CD109: variants seen among roughly 807,000 people sequenced by gnomAD.
The protein encoded by CD109 is CD109 molecule.
CD109 carries 149 observed loss-of-function variants against 165.8 expected under a neutral mutation model. The ratio of observed to expected loss-of-function variants is 0.90; its 90% CI spans 0.79 to 1.03. The LOEUF (loss-of-function observed/expected upper bound fraction) is 1.03, where lower values mean the gene tolerates loss of function less well. CD109 is among the 50% of genes least tolerant of loss of function. The pLI is 0.00. For synonymous variants in CD109, 585 were observed against 592.1 expected, an observed-to-expected ratio of 0.99 and a Z score of 0.18; for missense variants, 1,712 against 1,677.8, an observed-to-expected ratio of 1.02 and a Z score of -0.36.
At chr6:73,722,649 A>G (rs1772001930) in intron 2 of CD109, among the ~76,000 whole-genome samples, 1 of 152,234 alleles carries the variant, frequency 6.6e-6, no homozygotes, top group Non-Finnish European at 1.5e-5. Flanking sequence ...GCCATCTTCG[A>G]TAGGAACTTT....
chr6:73,764,731 G>A (rs1017238577), intron 10 of CD109, among the ~76,000 whole-genome samples: 2 of 151,476 alleles, frequency 1.3e-5, no homozygotes, highest in African/African-American at 2.4e-5. Flanking sequence ...CAGAAGAATC[G>A]CTTGAACCCG....
At chr6:73,768,934 G>A (rs1256625999) in intron 14 of CD109, among the ~76,000 whole-genome samples, 1 of 152,156 alleles carries the variant, frequency 6.6e-6, no homozygotes, top group Non-Finnish European at 1.5e-5. Context: ...GCAGAGTATG[G>A]TTCTTCTATT....
At chr6:73,779,705 G>T (rs1774402458) in intron 15 of CD109, among the ~76,000 whole-genome samples, 1 of 151,960 alleles carries the variant, frequency 6.6e-6, no homozygotes. Flanking sequence ...AGTATCTCTT[G>T]GAGTTACTGT....
chr6:73,750,956 T>C lies in CD109; in HGVS notation c.634-5687T>C, dbSNP rs368467525. ...CCTGTCATGTTCGGTTACTTTCATA[T>C]ACACAGTCTACATTCAGTAATTAAT... On this transcript the variant is annotated intron_variant, in intron 5 of 32. Transcript: ENST00000287097. 4.0e-5 allele frequency among the ~76,000 whole-genome samples: 4 copies of C among 99,482 alleles called. No individual in the cohort carries two copies. The East Asian group carries it at 9.0e-4, about 22-fold the overall frequency. 65.3% of individuals were successfully genotyped at this position (99,482 alleles called of 152,430 possible). A position where few individuals can be genotyped will look rare whatever the true frequency, so the allele number is the denominator to read the frequency against.
intron 10 of CD109, among the ~76,000 whole-genome samples, chr6:73,763,992 C>A (rs1554177030): frequency 6.6e-6 from 1 of 151,970 alleles, no homozygotes; most frequent in Non-Finnish European, 1.5e-5. Context: ...ACATGGTAGT[C>A]AAAAATTTCA....
intron 17 of CD109, 134 bp from the exon 18 acceptor site, chr6:73,782,480 A>T: frequency 1.3e-6 from 1 of 773,658 alleles, no homozygotes; most frequent in Non-Finnish European, 2.0e-6. Flanking sequence ...CTGTAACAGA[A>T]GGAACCTGAT....
At chr6:73,704,695 C>T (rs541716537) in intron 2 of CD109, among the ~76,000 whole-genome samples, 56 of 152,202 alleles carry the variant, frequency 3.7e-4, no homozygotes, top group Non-Finnish European at 6.2e-4. Context: ...GTTGTTTCCC[C>T]ACAGACATTT....
chr6:73,774,833 G>T (rs1774177758), intron 15 of CD109, among the ~76,000 whole-genome samples: 1 of 152,040 alleles, frequency 6.6e-6, no homozygotes, highest in South Asian at 2.1e-4. Context: ...CACTCTTCCT[G>T]GGGTTTTCTC....
chr6:73,697,936 C>G (rs1055062286), intron 2 of CD109, among the ~76,000 whole-genome samples: 1 of 152,122 alleles, frequency 6.6e-6, no homozygotes, highest in African/African-American at 2.4e-5. Context: ...TATTCACAGG[C>G]AAGGGAGGCT....
intron 19 of CD109, among the ~76,000 whole-genome samples, chr6:73,784,930 T>A (rs868087999): frequency 6.6e-6 from 1 of 152,176 alleles, no homozygotes; most frequent in African/African-American, 2.4e-5. Flanking sequence ...GTGGAGTCAA[T>A]ACAGCATGAA....
intron 17 of CD109, 75 bp from the exon 18 acceptor site, chr6:73,782,539 C>T (rs1189595782): frequency 1.4e-6 from 2 of 1,403,442 alleles, no homozygotes; most frequent in East Asian, 2.3e-5. Flanking sequence ...GATTGACATT[C>T]ATTTTGTATG....
intron 15 of CD109, among the ~76,000 whole-genome samples, chr6:73,773,416 C>T (rs1410764676): frequency 6.6e-6 from 1 of 151,944 alleles, no homozygotes; most frequent in Non-Finnish European, 1.5e-5. Context: ...TAATAGTCAA[C>T]ATCTTTTAAT....
intron 24 of CD109, among the ~76,000 whole-genome samples, chr6:73,805,880 G>A (rs983373883): frequency 3.9e-5 from 6 of 152,178 alleles, no homozygotes; most frequent in South Asian, 2.1e-4. Context: ...CAGATTAACA[G>A]CATCTCAAGG....
At chr6:73,771,320 C>T in intron 14 of CD109, 109 bp from the exon 15 acceptor site, 2 of 832,122 alleles carry the variant, frequency 2.4e-6, no homozygotes, top group East Asian at 2.8e-5. Flanking sequence ...TATCCCTGAG[C>T]CAAGGCAAAT....
chr6:73,682,075 T>C, the CD109 span, among the ~76,000 whole-genome samples: 1 of 151,998 alleles, frequency 6.6e-6, no homozygotes, highest in African/African-American at 2.4e-5. Context: ...ACCATATCAT[T>C]CCACCCCGGC....
intron 2 of CD109, among the ~76,000 whole-genome samples, chr6:73,700,488 A>T (rs1049409538): frequency 6.6e-6 from 1 of 152,116 alleles, no homozygotes; most frequent in Non-Finnish European, 1.5e-5. Flanking sequence ...TTAGTAGCTT[A>T]TTTCCAGCAG....
At chr6:73,735,893 C>T (rs964961023) in intron 4 of CD109, among the ~76,000 whole-genome samples, 1 of 152,116 alleles carries the variant, frequency 6.6e-6, no homozygotes, top group African/African-American at 2.4e-5. Flanking sequence ...TAAATGGGGC[C>T]TGTTATCTCT....
At chr6:73,801,887 T>A (rs2150285484) in intron 23 of CD109, among the ~76,000 whole-genome samples, 1 of 152,332 alleles carries the variant, frequency 6.6e-6, no homozygotes, top group East Asian at 1.9e-4. Flanking sequence ...TGGAATTGTG[T>A]AATTTTTAGA....
rs892846440 is a variant in CD109 at position 73,808,172 on chromosome 6, T to C, written c.3279T>C (p.Thr1093=). Residue 1093 remains threonine, a synonymous_variant, in exon 26 of 33, where the codon ACT becomes ACC. Transcript: ENST00000287097. ...ACAATTATACTCTAGCCCTTATAAC[T>C]TATGCATTGTCATCAGTGGGGAGTC... ...ISDNYTLALI[T]YALSSVGSPK... The C allele has an allele frequency of 6.2e-7, 1 of 1,613,610 alleles. No homozygotes were observed. Among genetic ancestry groups the C allele is most frequent in the Non-Finnish European group, 8.5e-7 (1 of 1,179,660 alleles).
Sources: allele counts gnomAD v4.1 joint callset (sites outside exome capture counted in the v4.1 genomes callset), GRCh38; gene constraint gnomAD v4.1.1; transcripts MANE v1.5; gene names NCBI Gene and HGNC (gene_info 2026-07-23, HGNC 2026-07-21).